ANKRD10: variants seen among roughly 807,000 people sequenced by gnomAD.
The protein encoded by ANKRD10 is ankyrin repeat domain-containing protein 10.
Under a neutral mutation model 27.0 loss-of-function variants are expected in ANKRD10, and 14 were observed. The ratio of observed to expected loss-of-function variants is 0.52; its 90% CI spans 0.34 to 0.81. ANKRD10 has a LOEUF of 0.81. Among genes scored for constraint, ANKRD10 ranks in the 40% least tolerant of loss-of-function variants. ANKRD10 has a pLI of 0.01. For missense variants in ANKRD10, 493 were observed against 544.0 expected, an observed-to-expected ratio of 0.91 and a Z score of 0.93; for synonymous variants, 250 against 224.5, an observed-to-expected ratio of 1.11 and a Z score of -1.01.
rs1019042003 is a variant in ANKRD10 at position 110,880,024 on chromosome 13, G to A, written c.876C>T (p.Leu292=). ...GGCCATTCCTGCTTTCCATCCCACT[G>A]AGCGGGGTCGTGGAGGGGAAGTCCA... is the stretch of plus-strand genomic sequence containing the variant. ...GHLDFPSTTP[L]SGMESRNGQC... Residue 292 remains leucine, a synonymous_variant, in exon 6 of 6, where the codon CTC becomes CTT. Coordinates refer to ENST00000267339, the MANE Select transcript of ANKRD10 (RefSeq NM_017664.4). The A allele has an allele frequency of 5.6e-6, 9 of 1,614,068 alleles. No homozygotes were observed. Among genetic ancestry groups the A allele is most frequent in the Non-Finnish European group, 7.6e-6 (9 of 1,180,044 alleles).
intron 4 of ANKRD10, among the ~76,000 whole-genome samples, chr13:110,890,641 A>C (rs1442751665): frequency 1.3e-5 from 2 of 152,200 alleles, no homozygotes; most frequent in Non-Finnish European, 2.9e-5. Flanking sequence ...ATAATCACAG[A>C]AACATCAGTC....
chr13:110,906,173 G>C (rs1162597026), intron 2 of ANKRD10, 49 bp from the exon 3 acceptor site: 21 of 1,428,940 alleles, frequency 1.5e-5, no homozygotes, highest in Admixed American at 5.9e-5. Flanking sequence ...CAAAACTTCT[G>C]ACATTTTGGA....
chr13:110,894,238 G>T, intron 3 of ANKRD10: 1 of 1,457,848 alleles, frequency 6.9e-7, no homozygotes. Flanking sequence ...GCTGCAGGTT[G>T]ATAAACAAAC....
chr13:110,898,750 CTTTTTTTTTTTT>C (rs56176208), intron 3 of ANKRD10, among the ~76,000 whole-genome samples: 3 of 106,546 alleles, frequency 2.8e-5, no homozygotes, highest in South Asian at 3.1e-4. Context: ...TTTTTCTTTT[CTTTTTTTTTTTT>C]TTTTTTTTTT....
chr13:110,912,078 T>C (rs1377406156), intron 1 of ANKRD10, among the ~76,000 whole-genome samples: 1 of 152,230 alleles, frequency 6.6e-6, no homozygotes, highest in Admixed American at 6.5e-5. Flanking sequence ...CTGGCTAAAA[T>C]AATTTAGCGC....
chr13:110,879,718 G>C lies in ANKRD10; in HGVS notation c.1182C>G (p.Val394=). 6.2e-7 allele frequency: 1 copy of C among 1,614,164 alleles called. No individual in the cohort carries two copies. The highest frequency in any genetic ancestry group is 8.5e-7 in the Non-Finnish European group (1 of 1,180,036). The stretch of plus-strand genomic sequence containing the variant: ...GCACCTTCACGGACTTGGAATGCTC[G>C]ACCACACTGTTCAGTTCTGGGATGC... ...AESIPELNSV[V]EHSKSVKVQE... is the part of the protein sequence containing the mutation. The change falls in exon 6 of 6, where the codon GTC becomes GTG. Residue 394 remains valine, a synonymous_variant. Coordinates refer to ENST00000267339, the MANE Select transcript of ANKRD10 (RefSeq NM_017664.4).
chr13:110,886,812 A>C (rs6492326), intron 4 of ANKRD10, among the ~76,000 whole-genome samples: 51,960 of 152,080 alleles, frequency 0.34, 9,383 homozygotes, highest in South Asian at 0.42. Flanking sequence ...GAAGCACTAT[A>C]CTTTCCTATC....
intron 3 of ANKRD10, chr13:110,904,936 C>T (rs1339579015): frequency 1.3e-5 from 2 of 152,294 alleles, no homozygotes; most frequent in African/African-American, 4.8e-5. Flanking sequence ...CTACACACGT[C>T]GTGCATTAGC....
At position 110,891,709 on chromosome 13, in the gene ANKRD10, G is replaced by A. The variant is rs375494545; in HGVS notation, c.691+1319C>T. ...ATAGTCACTCAGTTTTCCTTATGCT[G>A]TAACTTGCACGGTTGATTTTTTTAA... is the stretch of plus-strand genomic sequence containing the variant. On this transcript the variant is annotated intron_variant, in intron 4 of 5. Transcript: ENST00000267339. Among the ~76,000 whole-genome samples the A allele has an allele frequency of 1.8e-4, 28 of 152,144 alleles. No homozygotes were observed. In the South Asian group the frequency reaches 5.6e-3, roughly 30 times the overall value.
Position 110,893,127 on chromosome 13 carries a change from G to T in ANKRD10, c.592C>A (p.His198Asn). Residue 198 changes from histidine (H) to asparagine (N), a missense_variant, in exon 4 of 6, where the codon CAT becomes AAT. Physicochemically the swap from His to Asn is moderately conservative, Grantham distance 68. Transcript: ENST00000267339. Reference protein sequence around the residue: ...FYNNGILNGGHQNVFPNHISV... With the variant: ...FYNNGILNGGNQNVFPNHISV... ...ATATGATTAGGAAATACATTCTGAT[G>T]ACCCCCATTTAAGATGCCATTGTTA... is the stretch of plus-strand genomic sequence containing the variant. 1 of 1,614,160 alleles carries T rather than the reference G, an allele frequency of 6.2e-7. No individual in the cohort carries two copies.
rs1306318396 is a variant in ANKRD10 at position 110,892,429 on chromosome 13, AAAAAAAAT to A, written c.691+591_691+598del. On this transcript the variant is annotated intron_variant, in intron 4 of 5. Transcript: ENST00000267339. ...TGGGTGACAGAGCAAAAAAAAAAAAAAAAAAAATGGTGGGAGAATACTTACAACGAAAA... is the reference window on the plus strand; with the variant it reads ...TGGGTGACAGAGCAAAAAAAAAAAAAGGTGGGAGAATACTTACAACGAAAA... Among the ~76,000 whole-genome samples the A allele has an allele frequency of 2.7e-5, 4 of 146,646 alleles. No individual in the cohort carries two copies. In the East Asian group the frequency reaches 8.1e-4, roughly 30 times the overall value.
intron 5 of ANKRD10, among the ~76,000 whole-genome samples, chr13:110,882,369 A>G (rs1381360607): frequency 6.6e-6 from 1 of 152,224 alleles, no homozygotes; most frequent in Non-Finnish European, 1.5e-5. Context: ...CATGTCCCAC[A>G]AGGAAAGCCT....
Position 110,910,775 on chromosome 13 carries a change from GA to G in ANKRD10, c.211-6del. 1 of 1,611,904 alleles carries G rather than the reference GA, an allele frequency of 6.2e-7. No homozygotes were observed. Among genetic ancestry groups the G allele is most frequent in the Non-Finnish European group, 8.5e-7 (1 of 1,179,126 alleles). On this transcript the variant is annotated splice_region_variant and splice_polypyrimidine_tract_variant and intron_variant, in intron 1 of 5. Transcript: ENST00000267339. ...CAACTGCACTAAGCACTCCAACTTC[GA>G]AAACAAGAGGGGTAATGAAAACACG...
rs948214161 is a variant in ANKRD10 at position 110,915,060 on chromosome 13, C to T, written c.-126G>A. On this transcript the variant is annotated 5_prime_UTR_variant, in exon 1 of 6. Transcript: ENST00000267339. ...CGGTCGCGTCCCACAGGCTGCCGAG[C>T]GGAGCGCGCACAGAGGGGGCGGGGC... 5.0e-6 allele frequency: 7 copies of T among 1,411,004 alleles called. No homozygotes were observed. The highest frequency in any genetic ancestry group is 5.8e-5 in the Admixed American group (2 of 34,404). The allele number at this position is 1,411,004 out of a possible 1,614,324, so 87.4% of individuals were successfully genotyped here. A position where few individuals can be genotyped will look rare whatever the true frequency, so the allele number is the denominator to read the frequency against.
intron 4 of ANKRD10, among the ~76,000 whole-genome samples, chr13:110,889,178 G>C (rs1295035231): frequency 6.6e-6 from 1 of 152,158 alleles, no homozygotes; most frequent in East Asian, 1.9e-4. Flanking sequence ...AACCAAGAAC[G>C]CTAGCAAACC....
At chr13:110,900,837 CA>C in intron 3 of ANKRD10, 1 of 459,458 alleles carries the variant, frequency 2.2e-6, no homozygotes, top group Non-Finnish European at 3.8e-6. Context: ...AATACATAGA[CA>C]ACATAAGGTG....
intron 2 of ANKRD10, among the ~76,000 whole-genome samples, chr13:110,907,569 T>A (rs887434820): frequency 6.6e-6 from 1 of 152,012 alleles, no homozygotes; most frequent in Non-Finnish European, 1.5e-5. Flanking sequence ...AAGGCTCGAG[T>A]GCTTGGTAGA....
chr13:110,883,899 ATC>A, intron 4 of ANKRD10, 106 bp from the exon 5 acceptor site: 11 of 1,283,922 alleles, frequency 8.6e-6, no homozygotes, highest in Non-Finnish European at 8.3e-6. Flanking sequence ...ACTTTAAACA[ATC>A]ACATAAAAAA....
intron 3 of ANKRD10, among the ~76,000 whole-genome samples, chr13:110,902,969 A>G (rs1214747692): frequency 2.6e-5 from 4 of 152,214 alleles, no homozygotes; most frequent in Non-Finnish European, 5.9e-5. Context: ...CCAAGGCCCG[A>G]ATTCTATTTA....
Sources: gnomAD v4.1 joint callset for allele counts (sites outside exome capture counted in the v4.1 genomes callset) on GRCh38, gnomAD v4.1.1 for gene constraint, MANE v1.5 for transcripts, NCBI Gene and HGNC (gene_info 2026-07-23, HGNC 2026-07-21) for gene names.